Variants in FHIT observed in about 807,000 individuals in gnomAD.
FHIT encodes bis(5'-adenosyl)-triphosphatase.
FHIT carries 19 observed loss-of-function variants against 17.9 expected under a neutral mutation model. That is an observed-to-expected ratio of 1.06 (90% CI 0.74 to 1.56). FHIT has a LOEUF of 1.56. Ranked by LOEUF, FHIT falls within the 40% of genes most tolerant of loss-of-function variation. The pLI is 0.00. For missense variants in FHIT, 248 were observed against 189.2 expected (o/e 1.31, Z -1.82); for synonymous variants, 81 against 69.7 (o/e 1.16, Z -0.81).
chr3:60,189,080 C>A (rs1702284112), intron 5 of FHIT, among the ~76,000 whole-genome samples: 1 of 152,094 alleles, frequency 6.6e-6, no homozygotes, highest in East Asian at 1.9e-4. Flanking sequence ...AAGCATGAGA[C>A]AGCCCCTGCC....
intron 5 of FHIT, among the ~76,000 whole-genome samples, chr3:60,307,631 A>T (rs1002558955): frequency 6.6e-6 from 1 of 152,176 alleles, no homozygotes; most frequent in Non-Finnish European, 1.5e-5. Flanking sequence ...GCAAGGGCAA[A>T]TATTTTATGA....
chr3:60,712,711 C>T (rs577414707), intron 4 of FHIT, among the ~76,000 whole-genome samples: 40 of 150,064 alleles, frequency 2.7e-4, no homozygotes, highest in African/African-American at 9.0e-4. Flanking sequence ...GGGATCAATT[C>T]AACAAGAAGA....
chr3:60,602,843 C>T (rs1396122869), intron 4 of FHIT, among the ~76,000 whole-genome samples: 1 of 152,112 alleles, frequency 6.6e-6, no homozygotes, highest in African/African-American at 2.4e-5. Context: ...AGAGAGCTAG[C>T]TAATAGCCCC....
intron 4 of FHIT, among the ~76,000 whole-genome samples, chr3:60,538,749 A>T (rs770475272): frequency 2.6e-5 from 4 of 152,204 alleles, no homozygotes; most frequent in African/African-American, 9.6e-5. Context: ...TGTAGAAAGC[A>T]GAAATTGGAT....
chr3:60,631,914 T>A (rs1169300121), intron 4 of FHIT, among the ~76,000 whole-genome samples: 1 of 152,284 alleles, frequency 6.6e-6, no homozygotes, highest in East Asian at 1.9e-4. Context: ...CTGTTGTTTG[T>A]ACCACACAGC....
intron 3 of FHIT, among the ~76,000 whole-genome samples, chr3:60,895,717 T>TCTTTCTTTCTTC (rs1705771547): frequency 6.8e-6 from 1 of 146,138 alleles, no homozygotes; most frequent in African/African-American, 2.5e-5. Flanking sequence ...TTTCTTTCTT[T>TCTTTCTTTCTTC]CTTTCTTTCT....
intron 4 of FHIT, among the ~76,000 whole-genome samples, chr3:60,573,388 T>C (rs2037452479): frequency 6.6e-6 from 1 of 152,104 alleles, no homozygotes; most frequent in Admixed American, 6.6e-5. Flanking sequence ...CTCACAAATG[T>C]CCCCTCCTCC....
At chr3:59,791,290 T>C (rs1036914657) in intron 8 of FHIT, among the ~76,000 whole-genome samples, 1 of 152,066 alleles carries the variant, frequency 6.6e-6, no homozygotes, top group African/African-American at 2.4e-5. Context: ...GCATGGTCTG[T>C]GCAAAGTTTT....
intron 2 of FHIT, among the ~76,000 whole-genome samples, chr3:61,196,031 T>A (rs1176238186): frequency 1.3e-5 from 2 of 152,204 alleles, no homozygotes; most frequent in African/African-American, 4.8e-5. Context: ...CCTGTTGATT[T>A]AAATAAAAAT....
intron 5 of FHIT, among the ~76,000 whole-genome samples, chr3:60,028,013 C>T (rs898472813): frequency 6.6e-6 from 1 of 152,052 alleles, no homozygotes; most frequent in Non-Finnish European, 1.5e-5. Context: ...TTAAATACCA[C>T]CCTGTAGCTA....
At chr3:60,707,501 T>C (rs373692997) in intron 4 of FHIT, among the ~76,000 whole-genome samples, 2 of 152,306 alleles carry the variant, frequency 1.3e-5, no homozygotes, top group East Asian at 3.9e-4. Flanking sequence ...TTTTAATTTC[T>C]AGGCCCAAAT....
At chr3:60,573,971 G>A (rs2037477784) in intron 4 of FHIT, among the ~76,000 whole-genome samples, 1 of 151,878 alleles carries the variant, frequency 6.6e-6, no homozygotes. Context: ...CACCACACCT[G>A]GATAATTTTT....
At chr3:59,936,825 A>G (rs79166828) in intron 7 of FHIT, among the ~76,000 whole-genome samples, 2,177 of 152,252 alleles carry the variant, frequency 0.014, 42 homozygotes, top group African/African-American at 0.05. Context: ...GCGCAATACT[A>G]CTGTGGTTTT....
Position 60,927,773 on chromosome 3 carries a change from G to C in FHIT, c.-110-105762C>G, listed in dbSNP as rs76087160. ...AGCCGCCCCGCCTGGGAGGTGAGGA[G>C]CCCCTCTGCCCGGCCGCCAATCCAT... On this transcript the variant is annotated intron_variant, in intron 3 of 9. Coordinates refer to ENST00000492590, the MANE Select transcript of FHIT (RefSeq NM_002012.4). Among the ~76,000 whole-genome samples the C allele has an allele frequency of 2.2e-3, 337 of 152,284 alleles. 1 individual carries two copies. Among genetic ancestry groups the C allele is most frequent in the African/African-American group, 7.8e-3 (323 of 41,540 alleles).
In FHIT at chr3:59,816,424, T is replaced by C. The variant is rs80160072; in HGVS notation, c.349-64103A>G. 1.9e-3 allele frequency among the ~76,000 whole-genome samples: 294 copies of C among 152,340 alleles called. 1 individual carries two copies. The highest frequency in any genetic ancestry group is 6.9e-3 in the African/African-American group (286 of 41,560). On this transcript the variant is annotated intron_variant, in intron 8 of 9. Coordinates refer to ENST00000492590, the MANE Select transcript of FHIT (RefSeq NM_002012.4). ...TTGGGTTTATAATACTGTGGATTTCTTCCTTGGCATGATTGGAGATAAAAG... is the reference window on the plus strand; with the variant it reads ...TTGGGTTTATAATACTGTGGATTTCCTCCTTGGCATGATTGGAGATAAAAG...
rs1053018545 is a variant in FHIT at position 59,995,341 on chromosome 3, C to T, written c.279+16030G>A. Among the ~76,000 whole-genome samples the T allele has an allele frequency of 3.9e-5, 6 of 152,116 alleles. No homozygotes were observed. In the South Asian group the frequency reaches 6.2e-4, roughly 16 times the overall value. ...TAACTCTAAACTTAACCCTTGAATC[C>T]CAACTCCTAGCTTTCACCTCTCAAG... On this transcript the variant is annotated intron_variant, in intron 7 of 9. Transcript: ENST00000492590.
At chr3:60,280,226 C>G (rs1449778343) in intron 5 of FHIT, among the ~76,000 whole-genome samples, 1 of 151,888 alleles carries the variant, frequency 6.6e-6, no homozygotes, top group African/African-American at 2.4e-5. Flanking sequence ...TTCGTCAACT[C>G]GATACCAAAA....
rs578208007 is a variant in FHIT at position 59,927,936 on chromosome 3, C to T, written c.280-5522G>A. Among the ~76,000 whole-genome samples, 5 of 152,354 alleles carry T rather than the reference C, an allele frequency of 3.3e-5. No homozygotes were observed. The East Asian group carries it at 9.6e-4, about 29-fold the overall frequency. On this transcript the variant is annotated intron_variant, in intron 7 of 9. Transcript: ENST00000492590. Reference sequence around the variant, plus strand: ...TCTCTTTGAACACATCTCTTCTGCCCATACTCACCTGAGGATTGCCAGTGT... The same window carrying T: ...TCTCTTTGAACACATCTCTTCTGCCTATACTCACCTGAGGATTGCCAGTGT...
intron 8 of FHIT, among the ~76,000 whole-genome samples, chr3:59,858,760 G>GT (rs1472663771): frequency 6.6e-6 from 1 of 151,938 alleles, no homozygotes; most frequent in Non-Finnish European, 1.5e-5. Flanking sequence ...GAACAAATGA[G>GT]TATATATATT....
Sources: allele counts gnomAD v4.1 joint callset (sites outside exome capture counted in the v4.1 genomes callset), GRCh38; gene constraint gnomAD v4.1.1; transcripts MANE v1.5; gene names NCBI Gene and HGNC (gene_info 2026-07-23, HGNC 2026-07-21).